Variants in UBE2Q2 observed in about 807,000 individuals in gnomAD.
UBE2Q2 encodes the protein ubiquitin-conjugating enzyme E2 Q2.
A neutral mutation model predicts 59.9 loss-of-function variants in UBE2Q2; 54 were observed. The observed-to-expected ratio is 0.90, with a 90% CI of 0.72 to 1.13. The LOEUF (loss-of-function observed/expected upper bound fraction) is 1.13, where lower values mean the gene tolerates loss of function less well. Ranked by LOEUF, UBE2Q2 falls within the 50% of genes most tolerant of loss-of-function variation. UBE2Q2 has a pLI of 0.00. For synonymous variants in UBE2Q2, 165 were observed against 155.2 expected, an observed-to-expected ratio of 1.06 and a Z score of -0.47; for missense variants, 433 against 441.9, an observed-to-expected ratio of 0.98 and a Z score of 0.18.
intron 1 of UBE2Q2, among the ~76,000 whole-genome samples, chr15:75,853,358 C>G (rs2141550721): frequency 6.6e-6 from 1 of 152,152 alleles, no homozygotes; most frequent in African/African-American, 2.4e-5. Context: ...GTTATCCCAG[C>G]TACTCGGGAG....
At chr15:75,889,564 G>A (rs553658966) in intron 9 of UBE2Q2, among the ~76,000 whole-genome samples, 85 of 152,218 alleles carry the variant, frequency 5.6e-4, no homozygotes, top group African/African-American at 1.8e-3. Flanking sequence ...TGGAAGGGTA[G>A]GAAGCAGTAG....
chr15:75,853,212 C>CTG (rs1896719027), intron 1 of UBE2Q2, among the ~76,000 whole-genome samples: 1 of 152,178 alleles, frequency 6.6e-6, no homozygotes, highest in Non-Finnish European at 1.5e-5. Flanking sequence ...TGGCTCACGC[C>CTG]TGTAATCCCA....
chr15:75,845,132 A>G (rs1896272736), intron 1 of UBE2Q2, among the ~76,000 whole-genome samples: 1 of 152,150 alleles, frequency 6.6e-6, no homozygotes, highest in African/African-American at 2.4e-5. Context: ...CTCCTGTGGT[A>G]TCATCAGGAA....
intron 12 of UBE2Q2, among the ~76,000 whole-genome samples, chr15:75,898,514 A>AT (rs1899562257): frequency 6.6e-6 from 1 of 152,226 alleles, no homozygotes; most frequent in African/African-American, 2.4e-5. Context: ...ATGGTGAGAC[A>AT]CTTTACATCC....
intron 3 of UBE2Q2, among the ~76,000 whole-genome samples, chr15:75,860,239 C>T (rs931994671): frequency 2.6e-5 from 4 of 152,112 alleles, no homozygotes; most frequent in African/African-American, 7.2e-5. Flanking sequence ...TGCTGGTTTC[C>T]GTAAATGCTC....
chr15:75,899,457 A>G lies in UBE2Q2; in HGVS notation c.1127A>G (p.Ter376=). ...TACACCCCTCCAAAGGAAGATGGCT[A>G]AATGTGTTGACTGTTGTATGTTTGG... ...GWYTPPKEDG[*] Residue 376 remains the stop codon, a stop_retained_variant, in exon 13 of 13, where the codon TAA becomes TGA. Coordinates refer to ENST00000267938, the MANE Select transcript of UBE2Q2 (RefSeq NM_173469.4). 2 of 1,594,822 alleles carry G rather than the reference A, an allele frequency of 1.3e-6. No individual in the cohort carries two copies. The highest frequency in any genetic ancestry group is 1.7e-6 in the Non-Finnish European group (2 of 1,170,940).
At chr15:75,848,640 A>C (rs932595091) in intron 1 of UBE2Q2, among the ~76,000 whole-genome samples, 1 of 152,012 alleles carries the variant, frequency 6.6e-6, no homozygotes, top group Non-Finnish European at 1.5e-5. Flanking sequence ...TTTTGTGAAT[A>C]GTATATCCCT....
rs566508805 is a variant in UBE2Q2, at chr15:75,887,914, A to T, written c.885-2521A>T. Among the ~76,000 whole-genome samples, 7 of 152,310 alleles carry T rather than the reference A, an allele frequency of 4.6e-5. No homozygotes were observed. The South Asian group carries it at 1.4e-3, about 32-fold the overall frequency. ...AGTGAGGAGGAGGAATTATTTGCTG[A>T]CTTGGGAAGAAGTAAAAGCTTGCCA... is the stretch of plus-strand genomic sequence containing the variant. On this transcript the variant is annotated intron_variant, in intron 9 of 12. Transcript: ENST00000267938.
Position 75,891,256 on chromosome 15 carries a change from CATT to C in UBE2Q2, c.1029+245_1029+247del, listed in dbSNP as rs539684049. ...GTCTGTTATATTTGCTGTAGATAAA[CATT>C]ATAAGTTTACAGTTGTAAACAAAAA... On this transcript the variant is annotated intron_variant, in intron 11 of 12. Coordinates refer to ENST00000267938, the MANE Select transcript of UBE2Q2 (RefSeq NM_173469.4). 5.1e-4 allele frequency among the ~76,000 whole-genome samples: 78 copies of C among 152,120 alleles called. 1 individual carries two copies. Among genetic ancestry groups the C allele is most frequent in the South Asian group, 4.2e-3 (20 of 4,818 alleles).
intron 12 of UBE2Q2, among the ~76,000 whole-genome samples, chr15:75,898,060 A>T (rs2141685499): frequency 6.6e-6 from 1 of 152,256 alleles, no homozygotes. Context: ...ATTAGATCCA[A>T]AGAAACCTGT....
chr15:75,883,291 C>T lies in UBE2Q2; in HGVS notation c.826-75C>T, dbSNP rs992251817. Reference sequence around the variant, plus strand: ...TAAATGTACACATTCTTTATAGTATCTTTTAAAATCTTCTAAATAGTATAA... The same window carrying T: ...TAAATGTACACATTCTTTATAGTATTTTTTAAAATCTTCTAAATAGTATAA... On this transcript the variant is annotated intron_variant, in intron 8 of 12. Transcript: ENST00000267938. The T allele has an allele frequency of 1.4e-5, 19 of 1,343,798 alleles. No individual in the cohort carries two copies. The South Asian group carries it at 2.3e-4, about 16-fold the overall frequency. The allele number at this position is 1,343,798 out of a possible 1,614,324, so 83.2% of individuals were successfully genotyped here.
At position 75,900,815 on chromosome 15, in the gene UBE2Q2, T is replaced by C. The variant is rs1199247443; in HGVS notation, c.*1357T>C. 6.6e-6 allele frequency: 1 copy of C among 152,670 alleles called. No individual in the cohort carries two copies. The highest frequency in any genetic ancestry group is 6.5e-5 in the Admixed American group (1 of 15,286). The allele number at this position is 152,670 out of a possible 1,614,324, so 9.5% of individuals were successfully genotyped here. ...AAGTTCTGATTGCCAGTTGCTCAGA[T>C]AACAAGTGACAAGGCAGAATTCTTT... On this transcript the variant is annotated 3_prime_UTR_variant, in exon 13 of 13. Transcript: ENST00000267938.
chr15:75,856,233 A>G (rs968778712), intron 2 of UBE2Q2, among the ~76,000 whole-genome samples: 2 of 132,838 alleles, frequency 1.5e-5, no homozygotes, highest in African/African-American at 3.1e-5. Context: ...ATGTATGTGT[A>G]TATGTGTATA....
At chr15:75,875,268 T>C (rs1228672454) in intron 5 of UBE2Q2, among the ~76,000 whole-genome samples, 1 of 146,916 alleles carries the variant, frequency 6.8e-6, no homozygotes, top group Non-Finnish European at 1.5e-5. Context: ...TCATATTTTG[T>C]AGATATGAAA....
At chr15:75,893,516 T>C (rs1018881364) in intron 11 of UBE2Q2, among the ~76,000 whole-genome samples, 4 of 152,220 alleles carry the variant, frequency 2.6e-5, no homozygotes, top group African/African-American at 9.6e-5. Flanking sequence ...CAACATACCC[T>C]GTGTACTACT....
intron 2 of UBE2Q2, among the ~76,000 whole-genome samples, chr15:75,857,917 T>G (rs1897001590): frequency 1.3e-5 from 2 of 152,180 alleles, no homozygotes; most frequent in African/African-American, 4.8e-5. Context: ...TTTTCTTTCC[T>G]GGTGGGTACA....
intron 5 of UBE2Q2, among the ~76,000 whole-genome samples, chr15:75,874,565 T>A (rs998054811): frequency 2.6e-5 from 4 of 152,312 alleles, no homozygotes; most frequent in Admixed American, 2.6e-4. Flanking sequence ...ATTACAGGTG[T>A]GAGCCACTGT....
In UBE2Q2 at chr15:75,854,424, T is replaced by C; in HGVS notation, c.219T>C (p.Asp73=). 1 of 1,613,570 alleles carries C rather than the reference T, an allele frequency of 6.2e-7. No homozygotes were observed. Among genetic ancestry groups the C allele is most frequent in the Non-Finnish European group, 8.5e-7 (1 of 1,179,676 alleles). Residue 73 remains aspartate, a synonymous_variant, in exon 2 of 13, where the codon GAT becomes GAC. Transcript: ENST00000267938. ...CTTCTTCACCGATATGGTTTGTGGA[T>C]TCTGAAGACCCAAATCTGACATCAG... ...YPSSSPIWFV[D]SEDPNLTSVL...
intron 1 of UBE2Q2, among the ~76,000 whole-genome samples, chr15:75,853,364 G>T (rs1896732535): frequency 6.6e-6 from 1 of 152,026 alleles, no homozygotes; most frequent in Non-Finnish European, 1.5e-5. Context: ...CCAGCTACTC[G>T]GGAGGCTGAG....
Sources: gnomAD v4.1 joint callset for allele counts (sites outside exome capture counted in the v4.1 genomes callset) on GRCh38, gnomAD v4.1.1 for gene constraint, MANE v1.5 for transcripts, NCBI Gene and HGNC (gene_info 2026-07-23, HGNC 2026-07-21) for gene names.